Variants in FBLIM1 observed in about 807,000 individuals in gnomAD.
FBLIM1 encodes the protein filamin binding LIM protein 1, also known as filamin-binding LIM protein 1.
FBLIM1 carries 29 observed loss-of-function variants against 37.4 expected under a neutral mutation model. That is an observed-to-expected ratio of 0.77 (90% CI 0.58 to 1.06). FBLIM1 has a LOEUF of 1.06. Ranked by LOEUF, FBLIM1 falls within the 50% of genes least tolerant of loss-of-function variation. The pLI is 0.00. For synonymous variants in FBLIM1, 193 were observed against 199.0 expected (o/e 0.97, Z 0.25); for missense variants, 449 against 505.6 (o/e 0.89, Z 1.07).
chr1:15,758,299 A>C (rs2068494457), upstream of FBLIM1: 1 of 152,164 alleles, frequency 6.6e-6, no homozygotes, highest in East Asian at 1.9e-4. The surrounding 1 kb of genome is among the most constrained non-coding windows in gnomAD (Gnocchi z 6.2). Flanking sequence ...GGTCGGTTTG[A>C]CGCAAGACCC....
intron 2 of FBLIM1, 137 bp from the exon 3 acceptor site, chr1:15,764,827 C>A: frequency 9.4e-7 from 1 of 1,066,280 alleles, no homozygotes; most frequent in Non-Finnish European, 1.3e-6. Context: ...TCTGGCTGGG[C>A]TGGGTGCTGG....
rs551393741 is a variant in FBLIM1, at chr1:15,766,330, T to G, written c.251-1046T>G. On this transcript the variant is annotated intron_variant, in intron 3 of 8. Transcript: ENST00000375766. The stretch of plus-strand genomic sequence containing the variant: ...TGTATATTTTGAGACGAAGTCTCGC[T>G]CTGTCACCCAAGCAGGAGTGCAGTG... 5.9e-5 allele frequency among the ~76,000 whole-genome samples: 9 copies of G among 152,222 alleles called. No individual in the cohort carries two copies. In the East Asian group the frequency reaches 1.5e-3, roughly 26 times the overall value.
chr1:15,786,438 C>G lies in FBLIM1; in HGVS notation c.*1777C>G, dbSNP rs180979086. On this transcript the variant is annotated 3_prime_UTR_variant, in exon 9 of 9. Coordinates refer to ENST00000375766, the MANE Select transcript of FBLIM1 (RefSeq NM_017556.4). ...TTGTTATAACCAAAGGCCTCCTGTT[C>G]TGTTATTTCACTTAAATCAACATGC... 1.0e-4 allele frequency: 16 copies of G among 152,390 alleles called. 3 individuals are homozygous for G. Among genetic ancestry groups the G allele is most frequent in the African/African-American group, 3.6e-4 (15 of 41,594 alleles). 9.4% of individuals were successfully genotyped at this position (152,390 alleles called of 1,614,324 possible).
At chr1:15,769,367 C>T (rs1242809190) in intron 5 of FBLIM1, among the ~76,000 whole-genome samples, 1 of 151,932 alleles carries the variant, frequency 6.6e-6, no homozygotes, top group Non-Finnish European at 1.5e-5. Context: ...ATCCCAGCTA[C>T]TCGGGAGGCT....
chr1:15,780,263 ATC>A (rs2069602736), intron 8 of FBLIM1, among the ~76,000 whole-genome samples: 1 of 151,798 alleles, frequency 6.6e-6, no homozygotes, highest in Non-Finnish European at 1.5e-5. Flanking sequence ...CAGTGGCGCT[ATC>A]TCGGCTCACT....
chr1:15,760,254 G>A lies in FBLIM1; in HGVS notation c.-211+1406G>A, dbSNP rs1331994795. Among the ~76,000 whole-genome samples, 3 of 151,794 alleles carry A rather than the reference G, an allele frequency of 2.0e-5. No homozygotes were observed. In the East Asian group the frequency reaches 5.8e-4, roughly 29 times the overall value. On this transcript the variant is annotated intron_variant, in intron 1 of 8. Transcript: ENST00000375766. The stretch of plus-strand genomic sequence containing the variant: ...AAATAAATAACAAAGCTTAAGCCGG[G>A]TGTAGTGGCTCAAGCCTGTAATCCC...
chr1:15,781,448 G>T (rs1009518895), intron 8 of FBLIM1, among the ~76,000 whole-genome samples: 1 of 150,974 alleles, frequency 6.6e-6, no homozygotes, highest in South Asian at 2.1e-4. Context: ...TGGAGGCAGA[G>T]GTTGCAGTGA....
intron 1 of FBLIM1, among the ~76,000 whole-genome samples, chr1:15,762,565 T>C (rs1158223531): frequency 6.6e-6 from 1 of 152,076 alleles, no homozygotes; most frequent in Non-Finnish European, 1.5e-5. Context: ...CAGGCCAAAT[T>C]TTTGTATTTT....
intron 8 of FBLIM1, 81 bp from the exon 9 acceptor site, chr1:15,784,467 G>T: frequency 2.6e-6 from 3 of 1,151,768 alleles, no homozygotes; most frequent in South Asian, 2.7e-5. Flanking sequence ...TGGTTTATTC[G>T]GCAGATGCCA....
In FBLIM1 at chr1:15,758,928, C is replaced by T. The variant is rs933701587; in HGVS notation, c.-211+80C>T. The T allele has an allele frequency of 6.6e-6, 1 of 152,106 alleles. No individual in the cohort carries two copies. Among genetic ancestry groups the T allele is most frequent in the Non-Finnish European group, 1.5e-5 (1 of 68,020 alleles). The allele number at this position is 152,106 out of a possible 1,614,324, so 9.4% of individuals were successfully genotyped here. On this transcript the variant is annotated intron_variant, in intron 1 of 8. Coordinates refer to ENST00000375766, the MANE Select transcript of FBLIM1 (RefSeq NM_017556.4). The surrounding 1 kb of genome is among the most constrained non-coding windows in gnomAD (Gnocchi z 6.2). ...CACAGGTGACAGCGCCGGCAGTGCT[C>T]GGCCGGAGCCTGCTCGGTCGCCAGC...
chr1:15,784,520 G>T, intron 8 of FBLIM1, 28 bp from the exon 9 acceptor site: 1 of 1,593,682 alleles, frequency 6.3e-7, no homozygotes, highest in Non-Finnish European at 8.6e-7. Flanking sequence ...GGCCCAGGGC[G>T]GGTCAGCATG....
chr1:15,759,945 CG>C (rs904047510), intron 1 of FBLIM1, among the ~76,000 whole-genome samples: 1 of 152,204 alleles, frequency 6.6e-6, no homozygotes, highest in Non-Finnish European at 1.5e-5. Context: ...CAAAGCTGGC[CG>C]GGAGCGGTGG....
intron 2 of FBLIM1, 130 bp downstream of exon 2, chr1:15,764,815 T>C (rs1569739197): frequency 1.0e-6 from 1 of 995,742 alleles, no homozygotes; most frequent in East Asian, 2.4e-5. Context: ...CCCCACCCCT[T>C]CTCTGGCTGG....
intron 8 of FBLIM1, among the ~76,000 whole-genome samples, chr1:15,780,548 G>C (rs372495345): frequency 6.6e-6 from 1 of 152,102 alleles, no homozygotes; most frequent in African/African-American, 2.4e-5. Context: ...GTCCTAGATC[G>C]TACAAATTAT....
intron 7 of FBLIM1, among the ~76,000 whole-genome samples, chr1:15,775,489 C>A (rs372591759): frequency 2.0e-5 from 3 of 150,658 alleles, no homozygotes; most frequent in African/African-American, 7.3e-5. Flanking sequence ...GAGCCGAGAT[C>A]GCACCACTGC....
At chr1:15,781,935 G>C (rs1178804017) in intron 8 of FBLIM1, among the ~76,000 whole-genome samples, 1 of 151,610 alleles carries the variant, frequency 6.6e-6, no homozygotes. Flanking sequence ...AGCCAGGATG[G>C]TCTTGATCTC....
chr1:15,757,989 C>A (rs938777605), upstream of FBLIM1: 2 of 152,286 alleles, frequency 1.3e-5, no homozygotes, highest in Non-Finnish European at 2.9e-5. The surrounding 1 kb of genome is among the most constrained non-coding windows in gnomAD (Gnocchi z 4.1). Flanking sequence ...GGCCTGTCCC[C>A]CGGGACACCG....
chr1:15,770,716 AAAG>A (rs2069160944), intron 6 of FBLIM1, 138 bp downstream of exon 6: 1 of 1,090,336 alleles, frequency 9.2e-7, no homozygotes, highest in Non-Finnish European at 1.3e-6. Context: ...TGAGGCTCAG[AAAG>A]AAGGAGCCCA....
chr1:15,776,416 C>T (rs936665890), intron 7 of FBLIM1, among the ~76,000 whole-genome samples: 1 of 152,102 alleles, frequency 6.6e-6, no homozygotes, highest in African/African-American at 2.4e-5. Flanking sequence ...TCCCCAAGGA[C>T]CTGACTTTGG....
Sources: allele counts gnomAD v4.1 joint callset (sites outside exome capture counted in the v4.1 genomes callset), GRCh38; gene constraint gnomAD v4.1.1; non-coding constraint Gnocchi (gnomAD v3.1); transcripts MANE v1.5; gene names NCBI Gene and HGNC (gene_info 2026-07-23, HGNC 2026-07-21).